The following SGCZ variants were observed in gnomAD, a reference collection of about 807,000 sequenced individuals.
The protein encoded by SGCZ is zeta-sarcoglycan.
A neutral mutation model predicts 41.3 loss-of-function variants in SGCZ; 40 were observed. The ratio of observed to expected loss-of-function variants is 0.97; its 90% CI spans 0.75 to 1.26. SGCZ has a LOEUF of 1.26. Among genes scored for constraint, SGCZ ranks in the 50% most tolerant of loss-of-function variants. SGCZ has a pLI of 0.00. For synonymous variants in SGCZ, 206 were observed against 137.5 expected, an observed-to-expected ratio of 1.50 and a Z score of -3.49; for missense variants, 552 against 369.8, an observed-to-expected ratio of 1.49 and a Z score of -4.04.
intron 3 of SGCZ, chr8:14,309,752 A>C (rs1653552210): frequency 3.2e-6 from 5 of 1,579,156 alleles, no homozygotes; most frequent in Admixed American, 1.8e-5. Flanking sequence ...AGCCTCTTCA[A>C]AAAGCAGAGT....
chr8:14,216,431 A>C (rs1364700237), intron 4 of SGCZ, among the ~76,000 whole-genome samples: 1 of 152,154 alleles, frequency 6.6e-6, no homozygotes, highest in African/African-American at 2.4e-5. Flanking sequence ...TAACAAATCT[A>C]CACAAAGACA....
At chr8:14,891,674 G>A (rs1396957888) in intron 1 of SGCZ, among the ~76,000 whole-genome samples, 1 of 152,182 alleles carries the variant, frequency 6.6e-6, no homozygotes, top group Non-Finnish European at 1.5e-5. Flanking sequence ...TTTAAAAGAA[G>A]TTCTACTGTG....
chr8:14,699,235 T>C (rs1407760107), intron 1 of SGCZ, among the ~76,000 whole-genome samples: 1 of 149,568 alleles, frequency 6.7e-6, no homozygotes, highest in African/African-American at 2.4e-5. Flanking sequence ...AAATCTCATA[T>C]ATATATGCAT....
intron 3 of SGCZ, among the ~76,000 whole-genome samples, chr8:14,267,477 C>T (rs942662338): frequency 1.3e-5 from 2 of 152,044 alleles, no homozygotes; most frequent in African/African-American, 4.8e-5. Context: ...AATGGTGTTA[C>T]ATGGAGCGTT....
chr8:14,284,856 A>G (rs1256843939), intron 3 of SGCZ, among the ~76,000 whole-genome samples: 4 of 152,168 alleles, frequency 2.6e-5, no homozygotes. Flanking sequence ...TTTAATGCTG[A>G]GATCATCTGT....
At chr8:14,370,969 T>G (rs1803888102) in intron 2 of SGCZ, among the ~76,000 whole-genome samples, 1 of 152,010 alleles carries the variant, frequency 6.6e-6, no homozygotes, top group Non-Finnish European at 1.5e-5. Context: ...GTCACGAATA[T>G]ATCATTCTAT....
intron 4 of SGCZ, among the ~76,000 whole-genome samples, chr8:14,217,906 C>T (rs1456281990): frequency 6.6e-6 from 1 of 152,094 alleles, no homozygotes; most frequent in African/African-American, 2.4e-5. Flanking sequence ...GCTGGGATTA[C>T]AGGTGTGAGC....
chr8:14,117,060 A>G (rs986673467), intron 5 of SGCZ, among the ~76,000 whole-genome samples: 7 of 152,100 alleles, frequency 4.6e-5, no homozygotes, highest in African/African-American at 1.7e-4. Flanking sequence ...AAAGGTTGCC[A>G]TAATATCTTT....
chr8:14,767,309 T>C (rs1800068452), intron 1 of SGCZ, among the ~76,000 whole-genome samples: 1 of 152,180 alleles, frequency 6.6e-6, no homozygotes, highest in African/African-American at 2.4e-5. Flanking sequence ...GTGTTTTTCT[T>C]TATACATATT....
At chr8:14,817,252 C>G (rs1801933664) in intron 1 of SGCZ, among the ~76,000 whole-genome samples, 1 of 152,088 alleles carries the variant, frequency 6.6e-6, no homozygotes, top group Non-Finnish European at 1.5e-5. Context: ...ATAGTCTCAC[C>G]TAACAGGATC....
intron 1 of SGCZ, among the ~76,000 whole-genome samples, chr8:15,152,310 A>T (rs896689230): frequency 1.3e-5 from 2 of 152,352 alleles, no homozygotes; most frequent in African/African-American, 4.8e-5. Context: ...ATGTAAAAAC[A>T]AGGATAAGTG....
rs377108705 is a variant in SGCZ at position 14,779,507 on chromosome 8, G to A, written c.40-224581C>T. On this transcript the variant is annotated intron_variant, in intron 1 of 7. Transcript: ENST00000382080. ...CTGAGCCTAATTTGCTTACTGAGTT[G>A]CTTCCAAATTTTTGATCTACAAAAA... is the stretch of plus-strand genomic sequence containing the variant. Among the ~76,000 whole-genome samples, 7 of 152,282 alleles carry A rather than the reference G, an allele frequency of 4.6e-5. No individual in the cohort carries two copies. The East Asian group carries it at 1.2e-3, about 25-fold the overall frequency.
At chr8:14,680,133 T>C (rs1455507401) in intron 1 of SGCZ, among the ~76,000 whole-genome samples, 1 of 152,084 alleles carries the variant, frequency 6.6e-6, no homozygotes, top group Non-Finnish European at 1.5e-5. Flanking sequence ...CTATATGTGA[T>C]ATTCTGGAAA....
chr8:15,017,821 G>C (rs28693405), intron 1 of SGCZ, among the ~76,000 whole-genome samples: 1,803 of 152,170 alleles, frequency 0.012, 35 homozygotes, highest in African/African-American at 0.04. Flanking sequence ...CACACTTAAA[G>C]TTTATTTAGT....
chr8:14,253,251 T>C (rs957618254), intron 3 of SGCZ, among the ~76,000 whole-genome samples: 9 of 151,382 alleles, frequency 5.9e-5, no homozygotes, highest in African/African-American at 2.2e-4. Flanking sequence ...AGGGTGTGTG[T>C]GTGTGTGTGT....
intron 1 of SGCZ, among the ~76,000 whole-genome samples, chr8:15,232,873 T>C (rs1801999399): frequency 6.6e-6 from 1 of 151,110 alleles, no homozygotes; most frequent in Admixed American, 6.6e-5. Flanking sequence ...AAATGAGTGA[T>C]GTGATTAATA....
Position 14,493,359 on chromosome 8 carries a change from C to CTTTTTTTTTTTTTTTTTTTTTTTT in SGCZ, c.234+61349_234+61372dup, listed in dbSNP as rs57898016. Among the ~76,000 whole-genome samples, 169 of 44,270 alleles carry CTTTTTTTTTTTTTTTTTTTTTTTT rather than the reference C, an allele frequency of 3.8e-3. 29 individuals are homozygous for CTTTTTTTTTTTTTTTTTTTTTTTT. The highest frequency in any genetic ancestry group is 6.3e-3 in the African/African-American group (83 of 13,248). 29.0% of individuals were successfully genotyped at this position (44,270 alleles called of 152,430 possible). ...CATACTTTTCCCACTATCATCCTTT[C>CTTTTTTTTTTTTTTTTTTTTTTTT]TTTTTTTTTTTTTTTTTTTTTTTTT... On this transcript the variant is annotated intron_variant, in intron 2 of 7. Transcript: ENST00000382080.
chr8:14,480,804 T>A (rs918312419), intron 2 of SGCZ, among the ~76,000 whole-genome samples: 1 of 152,048 alleles, frequency 6.6e-6, no homozygotes, highest in Non-Finnish European at 1.5e-5. Flanking sequence ...ACTGTTAAAG[T>A]TTCAAAGGTC....
At chr8:14,523,191 T>G (rs1259808936) in intron 2 of SGCZ, among the ~76,000 whole-genome samples, 1 of 152,022 alleles carries the variant, frequency 6.6e-6, no homozygotes, top group Non-Finnish European at 1.5e-5. Context: ...ATCCATAAAA[T>G]ATAATTTAGA....
Sources: allele counts gnomAD v4.1 joint callset (sites outside exome capture counted in the v4.1 genomes callset), GRCh38; gene constraint gnomAD v4.1.1; transcripts MANE v1.5; gene names NCBI Gene and HGNC (gene_info 2026-07-23, HGNC 2026-07-21).